MAGI2: variants seen among roughly 807,000 people sequenced by gnomAD.
MAGI2 encodes membrane associated guanylate kinase, WW and PDZ domain containing 2.
MAGI2 carries 35 observed loss-of-function variants against 133.3 expected under a neutral mutation model. The observed-to-expected ratio is 0.26, with a 90% CI of 0.20 to 0.35. The LOEUF is 0.35. Among genes scored for constraint, MAGI2 ranks in the 10% least tolerant of loss-of-function variants. The pLI, the probability that MAGI2 is intolerant of heterozygous loss-of-function variation, is 1.00. For synonymous variants in MAGI2, 729 were observed against 710.6 expected (o/e 1.03, Z -0.41); for missense variants, 1,636 against 1,863.4 (o/e 0.88, Z 2.25).
intron 6 of MAGI2, among the ~76,000 whole-genome samples, chr7:78,452,942 G>GA (rs542986756): frequency 7.9e-4 from 119 of 150,100 alleles, no homozygotes; most frequent in Non-Finnish European, 1.1e-3. Flanking sequence ...GGTTTCTCCT[G>GA]AAAAAAAAAT....
intron 1 of MAGI2, among the ~76,000 whole-genome samples, chr7:79,119,175 T>G (rs1226331735): frequency 1.3e-5 from 2 of 152,184 alleles, no homozygotes; most frequent in Non-Finnish European, 2.9e-5. Flanking sequence ...CTGGTTCACA[T>G]AATAATTTGC....
At chr7:78,038,207 T>C (rs1385474046) in intron 21 of MAGI2, among the ~76,000 whole-genome samples, 1 of 152,228 alleles carries the variant, frequency 6.6e-6, no homozygotes, top group Non-Finnish European at 1.5e-5. Context: ...AACACAGTGC[T>C]GGGCACATGT....
At chr7:78,176,791 T>C (rs766077001) in intron 14 of MAGI2, among the ~76,000 whole-genome samples, 1 of 151,920 alleles carries the variant, frequency 6.6e-6, no homozygotes, top group Non-Finnish European at 1.5e-5. Flanking sequence ...GAGACTGCAG[T>C]GAGCTGTGAT....
At chr7:78,196,711 C>T (rs1485130858) in intron 11 of MAGI2, among the ~76,000 whole-genome samples, 1 of 152,170 alleles carries the variant, frequency 6.6e-6, no homozygotes, top group Non-Finnish European at 1.5e-5. Flanking sequence ...GGCAGGGGTT[C>T]ATGTTGAGCC....
chr7:78,333,614 C>G (rs1306947020), intron 9 of MAGI2, among the ~76,000 whole-genome samples: 1 of 152,164 alleles, frequency 6.6e-6, no homozygotes, highest in Non-Finnish European at 1.5e-5. Context: ...CCAGCCTAGG[C>G]CTTAAGAGGC....
At chr7:79,415,384 G>A (rs1158449476) in intron 1 of MAGI2, 1 of 152,108 alleles carries the variant, frequency 6.6e-6, no homozygotes, top group Non-Finnish European at 1.5e-5. Flanking sequence ...GTCTATATTG[G>A]GAATGGCTTG....
chr7:79,204,923 T>A lies in MAGI2; in HGVS notation c.302-197717A>T, dbSNP rs1828913727. 4.0e-5 allele frequency among the ~76,000 whole-genome samples: 6 copies of A among 150,902 alleles called. 1 individual carries two copies. The highest frequency in any genetic ancestry group is 4.0e-4 in the Admixed American group (6 of 15,174). ...AGACAGGTTATTTGAAAATATACAGTAGAGGAGAATAAAAGAAAACAATGT... is the reference window on the plus strand; with the variant it reads ...AGACAGGTTATTTGAAAATATACAGAAGAGGAGAATAAAAGAAAACAATGT... On this transcript the variant is annotated intron_variant, in intron 1 of 21. Coordinates refer to ENST00000354212, the MANE Select transcript of MAGI2 (RefSeq NM_012301.4).
intron 2 of MAGI2, among the ~76,000 whole-genome samples, chr7:78,960,390 G>A (rs1802739044): frequency 2.6e-5 from 4 of 152,076 alleles, no homozygotes; most frequent in Non-Finnish European, 4.4e-5. Context: ...AGGAGTTGAA[G>A]GGAGCCAGTA....
intron 16 of MAGI2, among the ~76,000 whole-genome samples, chr7:78,151,263 A>G (rs1823844408): frequency 6.6e-6 from 1 of 152,116 alleles, no homozygotes; most frequent in Non-Finnish European, 1.5e-5. Flanking sequence ...AATGTGATAC[A>G]GAAGTTGTTT....
At chr7:78,162,303 A>G (rs938338266) in intron 15 of MAGI2, among the ~76,000 whole-genome samples, 5 of 151,454 alleles carry the variant, frequency 3.3e-5, no homozygotes, top group African/African-American at 1.2e-4. Context: ...AGGCGGGCGG[A>G]TCACGAGGTC....
chr7:79,121,825 T>A (rs1249837199), intron 1 of MAGI2, among the ~76,000 whole-genome samples: 2 of 152,214 alleles, frequency 1.3e-5, no homozygotes, highest in Admixed American at 1.3e-4. Flanking sequence ...TTTCTCCTTA[T>A]GCTAATTAAT....
chr7:78,170,182 C>A (rs1218417050), intron 14 of MAGI2: 1 of 152,132 alleles, frequency 6.6e-6, no homozygotes, highest in Non-Finnish European at 1.5e-5. Flanking sequence ...AGCTCTGATT[C>A]TAACTGATGA....
chr7:78,679,564 T>C (rs1585062824), intron 2 of MAGI2, among the ~76,000 whole-genome samples: 1 of 152,272 alleles, frequency 6.6e-6, no homozygotes, highest in East Asian at 1.9e-4. Flanking sequence ...GTACTGTTCA[T>C]AGAATTTGTA....
At chr7:78,225,974 A>G (rs528601209) in intron 10 of MAGI2, among the ~76,000 whole-genome samples, 1 of 152,348 alleles carries the variant, frequency 6.6e-6, no homozygotes, top group South Asian at 2.1e-4. Context: ...TTCTCAAACA[A>G]TCTCTGGCAA....
chr7:78,491,739 C>T (rs561277164), intron 5 of MAGI2, among the ~76,000 whole-genome samples: 1 of 152,088 alleles, frequency 6.6e-6, no homozygotes, highest in South Asian at 2.1e-4. Context: ...GAACTAAAGA[C>T]TTGAAGCTTG....
chr7:78,969,253 C>T (rs1469272506), intron 2 of MAGI2, among the ~76,000 whole-genome samples: 1 of 152,048 alleles, frequency 6.6e-6, no homozygotes, highest in Non-Finnish European at 1.5e-5. Context: ...AAATGGCACA[C>T]CTGGTCAAAC....
intron 3 of MAGI2, among the ~76,000 whole-genome samples, chr7:78,567,112 C>T (rs757477767): frequency 6.6e-6 from 1 of 152,150 alleles, no homozygotes; most frequent in Non-Finnish European, 1.5e-5. Flanking sequence ...TTATTGTCCC[C>T]ATTATTCTAA....
chr7:78,746,886 G>A (rs113640197), intron 2 of MAGI2, among the ~76,000 whole-genome samples: 116 of 152,052 alleles, frequency 7.6e-4, no homozygotes, highest in Non-Finnish European at 1.4e-3. Flanking sequence ...AATCTGGCAT[G>A]GAAATATCTA....
chr7:78,489,974 G>T, intron 5 of MAGI2, 134 bp from the exon 6 acceptor site: 1 of 635,930 alleles, frequency 1.6e-6, no homozygotes, highest in Non-Finnish European at 2.7e-6. Flanking sequence ...GTTCTAAGTA[G>T]CCCTGAAGGA....
Sources: gnomAD v4.1 joint callset for allele counts (sites outside exome capture counted in the v4.1 genomes callset) on GRCh38, gnomAD v4.1.1 for gene constraint, MANE v1.5 for transcripts, NCBI Gene and HGNC (gene_info 2026-07-23, HGNC 2026-07-21) for gene names.